Variants in FBXO21 observed in about 807,000 individuals in gnomAD.
FBXO21 encodes F-box only protein 21.
A neutral mutation model predicts 76.6 loss-of-function variants in FBXO21; 32 were observed. The observed-to-expected ratio is 0.42, with a 90% CI of 0.32 to 0.56. The LOEUF is 0.56. Among genes scored for constraint, FBXO21 ranks in the 20% least tolerant of loss-of-function variants. The probability of loss-of-function intolerance (pLI) is 0.16; values close to 1 mark genes in which losing one functional copy is unlikely to be tolerated. For missense variants in FBXO21, 586 were observed against 797.3 expected, an observed-to-expected ratio of 0.73 and a Z score of 3.19; for synonymous variants, 328 against 311.5, an observed-to-expected ratio of 1.05 and a Z score of -0.56.
intron 9 of FBXO21, among the ~76,000 whole-genome samples, chr12:117,162,062 G>A (rs1398002889): frequency 2.6e-5 from 4 of 152,232 alleles, no homozygotes; most frequent in Non-Finnish European, 4.4e-5. Flanking sequence ...GGCAGACTAA[G>A]AGCTTCAGCT....
Position 117,190,352 on chromosome 12 carries a change from A to T in FBXO21, c.105T>A (p.Gly35=). 6.5e-7 allele frequency: 1 copy of T among 1,536,488 alleles called. No individual in the cohort carries two copies. Among genetic ancestry groups the T allele is most frequent in the Non-Finnish European group, 8.7e-7 (1 of 1,151,508 alleles). ...AGCACAGGATGTACTCCAGCACCTCACCCGGCAGGTTGACGAGGCAGCTGA... is the reference window on the plus strand; with the variant it reads ...AGCACAGGATGTACTCCAGCACCTCTCCCGGCAGGTTGACGAGGCAGCTGA... ...AGLSCLVNLP[G]EVLEYILCCG... The change falls in exon 1 of 12, where the codon GGT becomes GGA. Residue 35 remains glycine (G), a synonymous_variant. Coordinates refer to ENST00000622495, the MANE Select transcript of FBXO21 (RefSeq NM_015002.3).
intron 7 of FBXO21, among the ~76,000 whole-genome samples, chr12:117,170,145 G>GAA (rs58416861): frequency 0.011 from 712 of 64,664 alleles, 5 homozygotes; most frequent in Middle Eastern, 0.036. Flanking sequence ...ATTTACAACT[G>GAA]AAAAAAAAAA....
At chr12:117,160,613 A>T (rs918477522) in intron 9 of FBXO21, among the ~76,000 whole-genome samples, 3 of 152,114 alleles carry the variant, frequency 2.0e-5, no homozygotes, top group African/African-American at 4.8e-5. Context: ...CTTTATTCAT[A>T]TCTAATGAAG....
intron 10 of FBXO21, among the ~76,000 whole-genome samples, chr12:117,156,348 G>A (rs924098780): frequency 1.7e-4 from 26 of 152,218 alleles, no homozygotes; most frequent in African/African-American, 4.8e-4. Context: ...CAGCCGTAAA[G>A]GAAAAGACTA....
At chr12:117,169,459 A>G (rs1396332904) in intron 7 of FBXO21, among the ~76,000 whole-genome samples, 1 of 152,224 alleles carries the variant, frequency 6.6e-6, no homozygotes, top group Non-Finnish European at 1.5e-5. Flanking sequence ...CCTGAACTTA[A>G]AAGTTAAAAA....
In FBXO21 at chr12:117,148,794, C is replaced by T. The variant is rs561873709; in HGVS notation, c.1676-2517G>A. 2.6e-5 allele frequency among the ~76,000 whole-genome samples: 4 copies of T among 152,314 alleles called. No homozygotes were observed. The East Asian group carries it at 7.7e-4, about 29-fold the overall frequency. On this transcript the variant is annotated intron_variant, in intron 11 of 11. Transcript: ENST00000622495. ...AGGGGCTGGGTAGACTCAGAGAACA[C>T]CGCTGCCCCCAAAGGGACGCTCCAG...
intron 9 of FBXO21, among the ~76,000 whole-genome samples, chr12:117,161,332 G>C (rs1955974311): frequency 6.6e-6 from 1 of 152,078 alleles, no homozygotes; most frequent in South Asian, 2.1e-4. Context: ...GGGTGCAGGA[G>C]AGGACCAAGG....
At chr12:117,158,106 T>A (rs1955937808) in intron 9 of FBXO21, 43 bp from the exon 10 acceptor site, 1 of 1,610,818 alleles carries the variant, frequency 6.2e-7, no homozygotes, top group Non-Finnish European at 8.5e-7. Context: ...TATTTTCAGC[T>A]AGGCCTTTTC....
intron 11 of FBXO21, among the ~76,000 whole-genome samples, chr12:117,148,434 G>A (rs925584148): frequency 3.9e-5 from 6 of 152,220 alleles, no homozygotes; most frequent in Admixed American, 2.0e-4. Flanking sequence ...AGCAGGAGGC[G>A]GCCATGAAAA....
intron 7 of FBXO21, 74 bp downstream of exon 7, chr12:117,172,397 T>G: frequency 1.3e-6 from 2 of 1,533,622 alleles, no homozygotes; most frequent in Non-Finnish European, 1.8e-6. Flanking sequence ...AACTTGATGA[T>G]GAAAATCAGA....
intron 6 of FBXO21, 45 bp downstream of exon 6, chr12:117,174,160 T>C: frequency 6.7e-7 from 1 of 1,491,720 alleles, no homozygotes; most frequent in Non-Finnish European, 9.3e-7. Context: ...AAAAAGTTAC[T>C]ATACCTATAT....
Position 117,189,381 on chromosome 12 carries a change from C to T in FBXO21, c.240-19G>A, listed in dbSNP as rs1592901961. On this transcript the variant is annotated intron_variant, in intron 1 of 11. Coordinates refer to ENST00000622495, the MANE Select transcript of FBXO21 (RefSeq NM_015002.3). Reference sequence around the variant, plus strand: ...AGGCCACCTACGAGGAGAGAAACACCCCCTCAGCTTAACAGAAACTCAAAG... The same window carrying T: ...AGGCCACCTACGAGGAGAGAAACACTCCCTCAGCTTAACAGAAACTCAAAG... The T allele has an allele frequency of 1.9e-6, 3 of 1,613,886 alleles. No individual in the cohort carries two copies. The highest frequency in any genetic ancestry group is 1.1e-5 in the South Asian group (1 of 91,056).
At chr12:117,175,309 C>CAATGAGATATT (rs1956162381) in intron 4 of FBXO21, among the ~76,000 whole-genome samples, 1 of 152,166 alleles carries the variant, frequency 6.6e-6, no homozygotes, top group Non-Finnish European at 1.5e-5. Flanking sequence ...TGGAGCTAAC[C>CAATGAGATATT]CCACTTTCCA....
intron 11 of FBXO21, among the ~76,000 whole-genome samples, chr12:117,153,259 A>G (rs766119907): frequency 1.1e-4 from 16 of 152,088 alleles, no homozygotes; most frequent in Non-Finnish European, 2.4e-4. Context: ...GTGTGTAGAC[A>G]GATGTATCGC....
intron 9 of FBXO21, among the ~76,000 whole-genome samples, chr12:117,165,237 C>T (rs1245548840): frequency 6.6e-6 from 1 of 152,066 alleles, no homozygotes; most frequent in African/African-American, 2.4e-5. Flanking sequence ...GTAGCGGGTA[C>T]AGAGGCTTTG....
At chr12:117,177,403 C>T in intron 4 of FBXO21, 117 bp downstream of exon 4, 1 of 1,035,842 alleles carries the variant, frequency 9.7e-7, no homozygotes, top group Non-Finnish European at 1.4e-6. Flanking sequence ...GCCCACGCAA[C>T]ATGATTTGCT....
At chr12:117,166,145 A>G (rs1956050779) in intron 8 of FBXO21, among the ~76,000 whole-genome samples, 1 of 150,370 alleles carries the variant, frequency 6.7e-6, no homozygotes. Flanking sequence ...AACTGAGATC[A>G]CGCCATTGCA....
chr12:117,174,001 G>C (rs942759199), intron 6 of FBXO21, among the ~76,000 whole-genome samples: 1 of 152,004 alleles, frequency 6.6e-6, no homozygotes, highest in African/African-American at 2.4e-5. Flanking sequence ...AAATTAGCCG[G>C]GTGTGGTGGC....
Position 117,190,444 on chromosome 12 carries a change from C to T in FBXO21, c.13G>A (p.Ala5Thr). The change falls in exon 1 of 12, where the codon GCA (alanine) becomes ACA (threonine). Residue 5 changes from alanine to threonine, a missense_variant. By Grantham distance (58) the Ala-to-Thr change is moderately conservative. Coordinates refer to ENST00000622495, the MANE Select transcript of FBXO21 (RefSeq NM_015002.3). MAAA[A>T]VDSAMEVVPA... ...ACCACCTCCATCGCGCTGTCGACTG[C>T]TGCCGCCGCCATCTTGTCCGCGTAC... 1.5e-6 allele frequency: 2 copies of T among 1,372,590 alleles called. No individual in the cohort carries two copies. The highest frequency in any genetic ancestry group is 1.3e-5 in the South Asian group (1 of 74,442). The allele number at this position is 1,372,590 out of a possible 1,614,324, so 85.0% of individuals were successfully genotyped here.
Sources: allele counts gnomAD v4.1 joint callset (sites outside exome capture counted in the v4.1 genomes callset), GRCh38; gene constraint gnomAD v4.1.1; transcripts MANE v1.5; gene names NCBI Gene and HGNC (gene_info 2026-07-23, HGNC 2026-07-21).